The following CDH20 variants were observed in gnomAD, a reference collection of about 807,000 sequenced individuals.
The protein encoded by CDH20 is cadherin 20.
A neutral mutation model predicts 74.2 loss-of-function variants in CDH20; 29 were observed. The observed-to-expected ratio is 0.39, with a 90% CI of 0.29 to 0.53. The LOEUF (loss-of-function observed/expected upper bound fraction) is 0.53, where lower values mean the gene tolerates loss of function less well. Ranked by LOEUF, CDH20 falls within the 20% of genes least tolerant of loss-of-function variation. The probability of loss-of-function intolerance (pLI) is 0.69; values close to 1 mark genes in which losing one functional copy is unlikely to be tolerated. For synonymous variants in CDH20, 469 were observed against 405.4 expected (o/e 1.16, Z -1.88); for missense variants, 988 against 1,048.3 (o/e 0.94, Z 0.79).
chr18:61,337,640 A>G (rs1909800829), intron 1 of CDH20, among the ~76,000 whole-genome samples: 1 of 152,230 alleles, frequency 6.6e-6, no homozygotes, highest in African/African-American at 2.4e-5. Flanking sequence ...GTTTTAAGCA[A>G]CTGAGCATCT....
intron 1 of CDH20, among the ~76,000 whole-genome samples, chr18:61,340,967 T>C (rs1909928324): frequency 1.3e-5 from 2 of 152,246 alleles, no homozygotes. Context: ...GAACATTTAA[T>C]CTTTGCATCA....
At chr18:61,497,253 C>T (rs1180594376) in intron 2 of CDH20, among the ~76,000 whole-genome samples, 1 of 152,128 alleles carries the variant, frequency 6.6e-6, no homozygotes, top group Non-Finnish European at 1.5e-5. Context: ...CTAGATAAGA[C>T]GCAGCTGAGT....
intron 1 of CDH20, among the ~76,000 whole-genome samples, chr18:61,444,307 G>A (rs534923560): frequency 1.3e-5 from 2 of 152,210 alleles, no homozygotes; most frequent in African/African-American, 4.8e-5. Flanking sequence ...TAAGACAGGT[G>A]TATACATTAT....
intron 1 of CDH20, among the ~76,000 whole-genome samples, chr18:61,344,550 A>G (rs1336877915): frequency 6.6e-6 from 1 of 152,214 alleles, no homozygotes; most frequent in African/African-American, 2.4e-5. Context: ...GCAGATACCT[A>G]AAATATCTTC....
At chr18:61,440,230 G>C (rs980209616) in intron 1 of CDH20, among the ~76,000 whole-genome samples, 3 of 152,102 alleles carry the variant, frequency 2.0e-5, no homozygotes, top group African/African-American at 7.2e-5. Flanking sequence ...TAGGATGTAA[G>C]TAGGCATGAT....
intron 1 of CDH20, among the ~76,000 whole-genome samples, chr18:61,410,845 C>A (rs528548177): frequency 7.2e-5 from 11 of 152,152 alleles, no homozygotes; most frequent in African/African-American, 2.7e-4. Context: ...CCTTTCTCAG[C>A]ATAGGCATAA....
intron 1 of CDH20, among the ~76,000 whole-genome samples, chr18:61,420,160 T>C (rs937121030): frequency 2.6e-5 from 4 of 152,218 alleles, no homozygotes; most frequent in African/African-American, 4.8e-5. Context: ...TCTCAGCCTA[T>C]ATTTTTTAAT....
At chr18:61,503,478 C>CT in intron 5 of CDH20, among the ~76,000 whole-genome samples, 1 of 152,222 alleles carries the variant, frequency 6.6e-6, no homozygotes, top group East Asian at 1.9e-4. Context: ...AATGCTGAGA[C>CT]TTTTTTCATC....
chr18:61,449,680 T>A (rs1037525939), intron 1 of CDH20, among the ~76,000 whole-genome samples: 2 of 152,064 alleles, frequency 1.3e-5, no homozygotes, highest in African/African-American at 4.8e-5. Context: ...ATTAGGATGA[T>A]CCAACAGAGA....
At chr18:61,468,246 C>T (rs1256147950) in intron 1 of CDH20, among the ~76,000 whole-genome samples, 1 of 152,194 alleles carries the variant, frequency 6.6e-6, no homozygotes, top group African/African-American at 2.4e-5. Flanking sequence ...GTTTGCCTTT[C>T]ACTGCATGTG....
chr18:61,434,942 T>TAGAGTTCCTGTGTTTACCC (rs1908782430), intron 1 of CDH20, among the ~76,000 whole-genome samples: 1 of 152,152 alleles, frequency 6.6e-6, no homozygotes, highest in Admixed American at 6.5e-5. Context: ...ACATAGTTCC[T>TAGAGTTCCTGTGTTTACCC]AGAGTTCCTG....
chr18:61,502,138 C>G (rs192278485), intron 4 of CDH20, among the ~76,000 whole-genome samples: 1 of 152,234 alleles, frequency 6.6e-6, no homozygotes, highest in African/African-American at 2.4e-5. Flanking sequence ...TAATCTTTGC[C>G]TACAGTGTAG....
At chr18:61,538,885 G>A in intron 8 of CDH20, 139 bp from the exon 9 acceptor site, 1 of 829,414 alleles carries the variant, frequency 1.2e-6, no homozygotes, top group Non-Finnish European at 1.9e-6. Context: ...TCCCGCCTCG[G>A]CCTCCCAAAG....
At chr18:61,368,166 A>C (rs1910920092) in intron 1 of CDH20, among the ~76,000 whole-genome samples, 1 of 152,040 alleles carries the variant, frequency 6.6e-6, no homozygotes, top group Non-Finnish European at 1.5e-5. Flanking sequence ...GGATAATCTT[A>C]TTTTAAGGTC....
intron 1 of CDH20, among the ~76,000 whole-genome samples, chr18:61,366,612 T>C (rs1205415583): frequency 6.6e-6 from 1 of 152,168 alleles, no homozygotes; most frequent in African/African-American, 2.4e-5. Flanking sequence ...TTAATCTGAG[T>C]AGCTAGCATA....
chr18:61,412,686 T>G (rs1171294641), intron 1 of CDH20, among the ~76,000 whole-genome samples: 1 of 152,110 alleles, frequency 6.6e-6, no homozygotes, highest in African/African-American at 2.4e-5. Flanking sequence ...ATAGCTCAAG[T>G]GTTATAATCA....
chr18:61,468,545 A>C (rs949106516), intron 1 of CDH20, among the ~76,000 whole-genome samples: 5 of 152,140 alleles, frequency 3.3e-5, no homozygotes, highest in Non-Finnish European at 7.4e-5. Flanking sequence ...AGAGACTTTT[A>C]ATGCACTGTG....
chr18:61,412,870 C>G (rs1209350782), intron 1 of CDH20, among the ~76,000 whole-genome samples: 1 of 152,134 alleles, frequency 6.6e-6, no homozygotes, highest in East Asian at 1.9e-4. Flanking sequence ...GAAGGATACA[C>G]ACAAGTATGT....
At position 61,353,684 on chromosome 18, in the gene CDH20, C is replaced by T. The variant is rs1027946288; in HGVS notation, c.-153+19857C>T. ...AATGCCCTTCGACCAACTCCAAACC[C>T]ACTGAGATCACTCTTGATCTTGGCC... is the stretch of plus-strand genomic sequence containing the variant. On this transcript the variant is annotated intron_variant, in intron 1 of 11. Transcript: ENST00000262717. This position sits in a 1 kb window ranked among gnomAD's most constrained non-coding sequence, Gnocchi z 4.6. 1.3e-5 allele frequency among the ~76,000 whole-genome samples: 2 copies of T among 152,184 alleles called. No homozygotes were observed. Among genetic ancestry groups the T allele is most frequent in the Admixed American group, 6.5e-5 (1 of 15,278 alleles).
Sources: gnomAD v4.1 joint callset for allele counts (sites outside exome capture counted in the v4.1 genomes callset) on GRCh38, gnomAD v4.1.1 for gene constraint, Gnocchi (gnomAD v3.1) non-coding constraint, MANE v1.5 for transcripts, NCBI Gene and HGNC (gene_info 2026-07-23, HGNC 2026-07-21) for gene names.